Variants in GALNT2 observed in about 807,000 individuals in gnomAD.
GALNT2 encodes the protein polypeptide N-acetylgalactosaminyltransferase 2.
Under a neutral mutation model 81.4 loss-of-function variants are expected in GALNT2, and 31 were observed. The ratio of observed to expected loss-of-function variants is 0.38; its 90% CI spans 0.29 to 0.51. The LOEUF is 0.51. Among genes scored for constraint, GALNT2 ranks in the 20% least tolerant of loss-of-function variants. The pLI is 0.87. For synonymous variants in GALNT2, 303 were observed against 287.4 expected (o/e 1.05, Z -0.55); for missense variants, 629 against 765.7 (o/e 0.82, Z 2.11).
intron 11 of GALNT2, among the ~76,000 whole-genome samples, chr1:230,260,565 G>A (rs922837124): frequency 1.3e-5 from 2 of 152,188 alleles, no homozygotes; most frequent in African/African-American, 4.8e-5. Context: ...GGACATTCTG[G>A]AATCAAATCC....
chr1:230,121,343 C>T (rs1287030149), intron 1 of GALNT2, among the ~76,000 whole-genome samples: 1 of 152,228 alleles, frequency 6.6e-6, no homozygotes, highest in Non-Finnish European at 1.5e-5. Context: ...AGGCTCCCTG[C>T]ACTGGAGGAA....
intron 3 of GALNT2, among the ~76,000 whole-genome samples, chr1:230,226,556 G>A (rs1026055177): frequency 6.6e-6 from 1 of 152,232 alleles, no homozygotes; most frequent in African/African-American, 2.4e-5. Flanking sequence ...AGACTTTCAG[G>A]TGCTGTGTTG....
intron 8 of GALNT2, among the ~76,000 whole-genome samples, chr1:230,247,513 C>T (rs371568662): frequency 3.9e-5 from 6 of 152,250 alleles, no homozygotes; most frequent in Admixed American, 6.5e-5. Context: ...CATTCAGGAA[C>T]GATTCCCAGC....
At chr1:230,175,728 G>C (rs1176899918) in intron 1 of GALNT2, among the ~76,000 whole-genome samples, 1 of 146,928 alleles carries the variant, frequency 6.8e-6, no homozygotes, top group East Asian at 2.0e-4. Context: ...GTAGGAGCAG[G>C]TATTTAAGAT....
At chr1:230,067,142 A>C (rs1349805694), upstream of GALNT2, 1 of 282,964 alleles carries the variant, frequency 3.5e-6, no homozygotes, top group East Asian at 1.0e-4. Context: ...GCCGCCGAGC[A>C]GTAGCACCGC....
intron 11 of GALNT2, chr1:230,259,565 C>T (rs991042422): frequency 2.0e-5 from 3 of 152,148 alleles, no homozygotes; most frequent in African/African-American, 7.2e-5. Context: ...AAGTCAATCT[C>T]CCCCAAAATT....
intron 14 of GALNT2, among the ~76,000 whole-genome samples, chr1:230,270,010 G>A (rs2102774638): frequency 6.6e-6 from 1 of 152,260 alleles, no homozygotes; most frequent in South Asian, 2.1e-4. Flanking sequence ...GACCAGCCTG[G>A]CCAACATGGT....
chr1:230,137,165 A>C (rs969447036), intron 1 of GALNT2, among the ~76,000 whole-genome samples: 1 of 152,184 alleles, frequency 6.6e-6, no homozygotes, highest in Non-Finnish European at 1.5e-5. Context: ...GGGGAGCCAA[A>C]TAGTGCTTTT....
At chr1:230,176,103 G>A (rs78745683) in intron 1 of GALNT2, among the ~76,000 whole-genome samples, 6,179 of 152,064 alleles carry the variant, frequency 0.041, 495 homozygotes, top group East Asian at 0.37. Flanking sequence ...AATTATATGG[G>A]CATGAACTCA....
At chr1:230,175,159 G>A (rs1404501517) in intron 1 of GALNT2, among the ~76,000 whole-genome samples, 1 of 152,192 alleles carries the variant, frequency 6.6e-6, no homozygotes, top group Non-Finnish European at 1.5e-5. Flanking sequence ...TTGAGTGTGG[G>A]TGCTCCATCA....
chr1:230,246,171 C>G (rs748656885), intron 8 of GALNT2, 21 bp downstream of exon 8: 1 of 1,572,872 alleles, frequency 6.4e-7, no homozygotes, highest in East Asian at 2.2e-5. Flanking sequence ...GTCATGGTGC[C>G]CCTGCCTAGC....
intron 1 of GALNT2, among the ~76,000 whole-genome samples, chr1:230,147,528 T>G (rs1661957983): frequency 6.6e-6 from 1 of 152,246 alleles, no homozygotes; most frequent in African/African-American, 2.4e-5. Flanking sequence ...TGTGCCTGGC[T>G]TGGCCACTGG....
intron 3 of GALNT2, among the ~76,000 whole-genome samples, chr1:230,220,659 C>T (rs561783547): frequency 2.6e-5 from 4 of 152,252 alleles, no homozygotes; most frequent in Admixed American, 2.6e-4. Context: ...ACTGTAGAAT[C>T]CTGTCTGCAA....
chr1:230,216,380 C>T (rs538156804), intron 3 of GALNT2, among the ~76,000 whole-genome samples: 1 of 152,300 alleles, frequency 6.6e-6, no homozygotes, highest in South Asian at 2.1e-4. Context: ...AAAGAAGCAG[C>T]ATTGTCAGTT....
At chr1:230,115,074 C>T (rs377037075) in intron 1 of GALNT2, among the ~76,000 whole-genome samples, 9 of 147,126 alleles carry the variant, frequency 6.1e-5, no homozygotes, top group African/African-American at 1.3e-4. Flanking sequence ...GGCATGATCT[C>T]GGCTCATTGC....
intron 1 of GALNT2, among the ~76,000 whole-genome samples, chr1:230,167,917 A>T (rs1466913408): frequency 1.3e-5 from 2 of 152,114 alleles, no homozygotes; most frequent in Admixed American, 6.5e-5. Flanking sequence ...TTTAAAATGC[A>T]ATTGATTTTT....
chr1:230,264,225 T>G (rs1665965114), intron 13 of GALNT2: 1 of 152,412 alleles, frequency 6.6e-6, no homozygotes, highest in African/African-American at 2.4e-5. Flanking sequence ...CCATTCTGCC[T>G]CTGTGTCTGG....
At position 230,263,006 on chromosome 1, in the gene GALNT2, G is replaced by T. The variant is rs1558167843; in HGVS notation, c.1313+1G>T. 6.2e-7 allele frequency: 1 copy of T among 1,613,386 alleles called. No individual in the cohort carries two copies. Among genetic ancestry groups the T allele is most frequent in the East Asian group, 2.2e-5 (1 of 44,888 alleles). On this transcript the variant is annotated splice_donor_variant, in intron 13 of 15. Transcript: ENST00000366672. LOFTEE classifies it high-confidence loss of function. ...TTGAAAATGTCTATCCAGAGTTAAG[G>T]TAAGTCCCCAGGGATCTGGGGTTTC...
upstream of GALNT2, chr1:230,067,227 G>C: frequency 8.5e-7 from 1 of 1,170,852 alleles, no homozygotes; most frequent in Non-Finnish European, 1.1e-6. Flanking sequence ...CCCGCGGCCG[G>C]CCCAGGCAGC....
Sources: gnomAD v4.1 joint callset for allele counts (sites outside exome capture counted in the v4.1 genomes callset) on GRCh38, gnomAD v4.1.1 for gene constraint, MANE v1.5 for transcripts, NCBI Gene and HGNC (gene_info 2026-07-23, HGNC 2026-07-21) for gene names.